PPP1R36: variants seen among roughly 807,000 people sequenced by gnomAD.
The protein encoded by PPP1R36 is protein phosphatase 1 regulatory subunit 36.
A neutral mutation model predicts 53.4 loss-of-function variants in PPP1R36; 47 were observed. The ratio of observed to expected loss-of-function variants is 0.88; its 90% CI spans 0.70 to 1.12. The LOEUF is 1.12. Among genes scored for constraint, PPP1R36 ranks in the 50% most tolerant of loss-of-function variants. The pLI is 0.00. For missense variants in PPP1R36, 456 were observed against 513.9 expected, an observed-to-expected ratio of 0.89 and a Z score of 1.09; for synonymous variants, 153 against 170.5, an observed-to-expected ratio of 0.90 and a Z score of 0.80.
At position 64,569,519 on chromosome 14, in the gene PPP1R36, T is replaced by C. The variant is rs189287087; in HGVS notation, c.533+1072T>C. 2.0e-5 allele frequency among the ~76,000 whole-genome samples: 3 copies of C among 152,294 alleles called. No individual in the cohort carries two copies. In the East Asian group the frequency reaches 5.8e-4, roughly 29 times the overall value. ...ATATCAGTGTTATTTTGGGACTGTA[T>C]TTCACAACAGGGCAGCCAGAGCATG... On this transcript the variant is annotated intron_variant, in intron 7 of 11. Coordinates refer to ENST00000298705, the MANE Select transcript of PPP1R36 (RefSeq NM_172365.3).
At chr14:64,571,373 CA>C (rs1423909696) in intron 7 of PPP1R36, among the ~76,000 whole-genome samples, 2 of 152,148 alleles carry the variant, frequency 1.3e-5, no homozygotes, top group African/African-American at 2.4e-5. Flanking sequence ...GTGATCCACC[CA>C]CCTCAGCCTC....
chr14:64,565,346 T>C lies in PPP1R36; in HGVS notation c.270-11T>C. 3 of 1,596,724 alleles carry C rather than the reference T, an allele frequency of 1.9e-6. No individual in the cohort carries two copies. Among genetic ancestry groups the C allele is most frequent in the Non-Finnish European group, 2.6e-6 (3 of 1,166,526 alleles). Reference sequence around the variant, plus strand: ...TAAAACACTACTAGAAACTGTTATATTCCAAAACAGGTTGACAGATAAAAG... The same window carrying C: ...TAAAACACTACTAGAAACTGTTATACTCCAAAACAGGTTGACAGATAAAAG... On this transcript the variant is annotated splice_polypyrimidine_tract_variant and intron_variant, in intron 4 of 11. Coordinates refer to ENST00000298705, the MANE Select transcript of PPP1R36 (RefSeq NM_172365.3).
intron 3 of PPP1R36, among the ~76,000 whole-genome samples, chr14:64,558,018 G>C (rs556624454): frequency 6.6e-6 from 1 of 151,604 alleles, no homozygotes; most frequent in Admixed American, 6.6e-5. Flanking sequence ...AGAATGATTA[G>C]AAAGGTCAGA....
chr14:64,574,012 T>G (rs974504212), intron 7 of PPP1R36, among the ~76,000 whole-genome samples: 1 of 151,278 alleles, frequency 6.6e-6, no homozygotes, highest in South Asian at 2.1e-4. Flanking sequence ...TTAAGGATTT[T>G]CCTATACCAT....
At chr14:64,550,789 T>C (rs1325866457) in intron 1 of PPP1R36, 132 bp from the exon 2 acceptor site, 4 of 646,938 alleles carry the variant, frequency 6.2e-6, no homozygotes, top group South Asian at 2.0e-5. Context: ...GTAGGAACCA[T>C]TGTTTTTTGT....
intron 8 of PPP1R36, among the ~76,000 whole-genome samples, chr14:64,585,345 A>G (rs542838550): frequency 2.0e-5 from 3 of 151,990 alleles, no homozygotes; most frequent in East Asian, 3.9e-4. Flanking sequence ...GTGAAACCCC[A>G]TCTCTACAAA....
intron 1 of PPP1R36, 175 bp downstream of exon 1, chr14:64,550,241 G>A (rs2080083762): frequency 1.1e-5 from 15 of 1,400,162 alleles, no homozygotes; most frequent in Non-Finnish European, 1.3e-5. Flanking sequence ...AAAAACTCTG[G>A]TGTATTTGAC....
At chr14:64,589,110 T>C (rs1216631444) in intron 11 of PPP1R36, 42 bp from the exon 12 acceptor site, 1 of 1,512,298 alleles carries the variant, frequency 6.6e-7, no homozygotes, top group Non-Finnish European at 9.1e-7. Flanking sequence ...ACGTCAGTCT[T>C]TGGCCTCATC....
Position 64,586,986 on chromosome 14 carries a change from G to A in PPP1R36, c.711+107G>A, listed in dbSNP as rs112514791. The A allele has an allele frequency of 1.2e-4, 121 of 972,210 alleles. 3 individuals are homozygous for A. Among genetic ancestry groups the A allele is most frequent in the African/African-American group, 7.3e-4 (45 of 61,732 alleles). The allele number at this position is 972,210 out of a possible 1,614,324, so 60.2% of individuals were successfully genotyped here. ...TTAGTGAATATCCTTTCTAAAAGAC[G>A]GTGCTAACAAGCTATATGCTATACC... On this transcript the variant is annotated intron_variant, in intron 9 of 11. Transcript: ENST00000298705.
chr14:64,550,379 G>A, intron 1 of PPP1R36: 2 of 848,598 alleles, frequency 2.4e-6, no homozygotes, highest in Non-Finnish European at 1.6e-6. Flanking sequence ...GCCCCGCTCT[G>A]GATAGAAAGG....
chr14:64,561,942 T>G, intron 3 of PPP1R36: 1 of 406,954 alleles, frequency 2.5e-6, no homozygotes, highest in Non-Finnish European at 4.9e-6. Flanking sequence ...GTCTAACTTG[T>G]GTGGAAGCCA....
rs1228934277 is a variant in PPP1R36 at position 64,589,252 on chromosome 14, T to C, written c.1183T>C (p.Leu395=). The C allele has an allele frequency of 3.1e-6, 5 of 1,613,962 alleles. No homozygotes were observed. The highest frequency in any genetic ancestry group is 4.2e-6 in the Non-Finnish European group (5 of 1,179,858). The change falls in exon 12 of 12, where the codon TTG becomes CTG. Residue 395 remains leucine, a synonymous_variant. Transcript: ENST00000298705. ...AAAATCATTTGGGAGATATCCTTCC[T>C]TGATGGAAAACAATAACATGAGGAT... ...NTKSFGRYPS[L]MENNNMRIQD...
chr14:64,574,191 A>C lies in PPP1R36; in HGVS notation c.534-264A>C, dbSNP rs374922499. Among the ~76,000 whole-genome samples, 17 of 152,214 alleles carry C rather than the reference A, an allele frequency of 1.1e-4. No individual in the cohort carries two copies. In the East Asian group the frequency reaches 3.3e-3, roughly 29 times the overall value. ...GGAGTTCAAGATTAGCCTGGACAAC[A>C]GAGTGAGACCCTGCCTCTACACAAA... On this transcript the variant is annotated intron_variant, in intron 7 of 11. Transcript: ENST00000298705.
intron 7 of PPP1R36, among the ~76,000 whole-genome samples, chr14:64,571,244 G>A (rs2140235888): frequency 6.6e-6 from 1 of 152,154 alleles, no homozygotes; most frequent in South Asian, 2.1e-4. Context: ...TCCTGCCTCA[G>A]CCTCCTGAGT....
chr14:64,556,330 T>G (rs2080151511), intron 3 of PPP1R36, among the ~76,000 whole-genome samples: 1 of 151,102 alleles, frequency 6.6e-6, no homozygotes, highest in African/African-American at 2.4e-5. Flanking sequence ...CTCAAACTCC[T>G]GAGCTCAAGC....
At chr14:64,580,594 C>T (rs541725361) in intron 8 of PPP1R36, among the ~76,000 whole-genome samples, 2 of 152,078 alleles carry the variant, frequency 1.3e-5, no homozygotes, top group East Asian at 1.9e-4. Context: ...CCACTGTATG[C>T]GACATAACCC....
intron 3 of PPP1R36, chr14:64,562,163 A>G (rs2038270): frequency 0.81 from 133,045 of 164,718 alleles, 53,953 homozygotes; most frequent in East Asian, 0.87. Context: ...AATTCACAGC[A>G]CAATTTTCAA....
Position 64,587,261 on chromosome 14 carries a change from A to C in PPP1R36, c.779A>C (p.Glu260Ala). The C allele has an allele frequency of 1.2e-6, 2 of 1,613,456 alleles. No homozygotes were observed. Among genetic ancestry groups the C allele is most frequent in the South Asian group, 1.1e-5 (1 of 91,056 alleles). Residue 260 changes from glutamate (E) to alanine (A), a missense_variant, in exon 10 of 12, where the codon GAA becomes GCA. By Grantham distance (107) the Glu-to-Ala change is moderately radical. Transcript: ENST00000298705. ...CGACGTCAACACTTGACAGAGATTG[A>C]AGAAGAAGTAGGGAGACTCTTTCGT... Reference protein sequence around the residue: ...VFRRQHLTEIEEEVGRLFRTN... With the variant: ...VFRRQHLTEIAEEVGRLFRTN...
At chr14:64,556,626 T>C (rs1364212778) in intron 3 of PPP1R36, among the ~76,000 whole-genome samples, 1 of 146,606 alleles carries the variant, frequency 6.8e-6, no homozygotes, top group Non-Finnish European at 1.5e-5. Flanking sequence ...TTTTTTTAAT[T>C]AGCTGGGCCT....
Sources: gnomAD v4.1 joint callset for allele counts (sites outside exome capture counted in the v4.1 genomes callset) on GRCh38, gnomAD v4.1.1 for gene constraint, MANE v1.5 for transcripts, NCBI Gene and HGNC (gene_info 2026-07-23, HGNC 2026-07-21) for gene names.